Variants in DYNLT2B observed in about 807,000 individuals in gnomAD.
DYNLT2B encodes dynein light chain Tctex-type 2B.
A neutral mutation model predicts 19.5 loss-of-function variants in DYNLT2B; 14 were observed. That is an observed-to-expected ratio of 0.72 (90% confidence interval 0.47 to 1.12). The LOEUF (loss-of-function observed/expected upper bound fraction) is 1.12, where lower values mean the gene tolerates loss of function less well. Ranked by LOEUF, DYNLT2B falls within the 50% of genes most tolerant of loss-of-function variation. The probability of loss-of-function intolerance (pLI) is 0.00; values close to 1 mark genes in which losing one functional copy is unlikely to be tolerated. For synonymous variants in DYNLT2B, 70 were observed against 59.7 expected (o/e 1.17, Z -0.79); for missense variants, 133 against 174.7 (o/e 0.76, Z 1.35).
rs117870911 is a variant in DYNLT2B, at chr3:196,300,937, C to T, written c.318-4868G>A. Among the ~76,000 whole-genome samples, 664 of 150,960 alleles carry T rather than the reference C, an allele frequency of 4.4e-3. 16 individuals are homozygous for T. In the South Asian group the frequency reaches 0.071, roughly 16 times the overall value. On this transcript the variant is annotated intron_variant, in intron 3 of 4. Coordinates refer to ENST00000325318, the MANE Select transcript of DYNLT2B (RefSeq NM_152773.5). ...AGTTGGGCGTGGTGGCTCATGCCTA[C>T]GGTCCCAGCTACTTGGGAGGCTGAA...
intron 2 of DYNLT2B, among the ~76,000 whole-genome samples, chr3:196,315,556 C>A (rs965428261): frequency 6.6e-6 from 1 of 151,542 alleles, no homozygotes; most frequent in Non-Finnish European, 1.5e-5. Context: ...CCACTGCGCC[C>A]GGCCTTTATT....
chr3:196,306,154 A>G (rs887167299), intron 3 of DYNLT2B, among the ~76,000 whole-genome samples: 14 of 151,754 alleles, frequency 9.2e-5, no homozygotes, highest in African/African-American at 2.4e-4. Flanking sequence ...GTTCAAGCCT[A>G]TAAGTCCACC....
At chr3:196,300,915 T>C (rs1577388330) in intron 3 of DYNLT2B, among the ~76,000 whole-genome samples, 1 of 150,160 alleles carries the variant, frequency 6.7e-6, no homozygotes, top group East Asian at 2.0e-4. Flanking sequence ...AAAAATTAGT[T>C]GGGCGTGGTG....
chr3:196,297,660 G>A (rs957506128), intron 3 of DYNLT2B, among the ~76,000 whole-genome samples: 8 of 152,180 alleles, frequency 5.3e-5, no homozygotes, highest in Non-Finnish European at 1.2e-4. Context: ...TAGTCTAAGT[G>A]TTTTACGTGT....
chr3:196,316,247 T>C lies in DYNLT2B; in HGVS notation c.114-16A>G, dbSNP rs759055153. 2.5e-6 allele frequency: 4 copies of C among 1,597,880 alleles called. No homozygotes were observed. In the African/African-American group the frequency reaches 5.4e-5, roughly 21 times the overall value. ...GGGCCTGAACCTGAATGGAACAATT[T>C]GTGAACATCCAGTCGGTGACTCCAC... On this transcript the variant is annotated splice_polypyrimidine_tract_variant and intron_variant, in intron 1 of 4. Transcript: ENST00000325318.
rs763959634 is a variant in DYNLT2B, at chr3:196,306,942, C to T, written c.317+1G>A. The T allele has an allele frequency of 6.2e-7, 1 of 1,613,290 alleles. No individual in the cohort carries two copies. Among genetic ancestry groups the T allele is most frequent in the Non-Finnish European group, 8.5e-7 (1 of 1,179,218 alleles). ...ACAAGAAGGAAAATCCAGCTACTCA[C>T]AATACTCCTTCACCTCTTTGTTCTC... On this transcript the variant is annotated splice_donor_variant, in intron 3 of 4. Coordinates refer to ENST00000325318, the MANE Select transcript of DYNLT2B (RefSeq NM_152773.5). LOFTEE classifies it high-confidence loss of function.
At chr3:196,299,588 A>T (rs1036520943) in intron 3 of DYNLT2B, among the ~76,000 whole-genome samples, 9 of 152,152 alleles carry the variant, frequency 5.9e-5, no homozygotes, top group Non-Finnish European at 1.2e-4. Flanking sequence ...CCCATAAAAA[A>T]GGAGAAAGTA....
At chr3:196,291,926 A>G (rs1340877679) in intron 4 of DYNLT2B, among the ~76,000 whole-genome samples, 1 of 152,254 alleles carries the variant, frequency 6.6e-6, no homozygotes, top group African/African-American at 2.4e-5. Flanking sequence ...TCTGAATGCA[A>G]AAATAAAATG....
intron 1 of DYNLT2B, among the ~76,000 whole-genome samples, chr3:196,316,928 T>G (rs1394283431): frequency 2.1e-5 from 2 of 95,416 alleles, no homozygotes; most frequent in African/African-American, 4.1e-5. Context: ...TGTGTGTGTG[T>G]TGTGTGGTGT....
At chr3:196,310,215 C>T (rs908033027) in intron 2 of DYNLT2B, among the ~76,000 whole-genome samples, 31 of 151,788 alleles carry the variant, frequency 2.0e-4, no homozygotes, top group African/African-American at 7.5e-4. Flanking sequence ...AATTCTCATG[C>T]TTCAGCCTCC....
chr3:196,299,938 G>T (rs76621855), intron 3 of DYNLT2B, among the ~76,000 whole-genome samples: 1 of 151,940 alleles, frequency 6.6e-6, no homozygotes, highest in Non-Finnish European at 1.5e-5. Flanking sequence ...CTCAAAAATA[G>T]AATAAAATAA....
intron 4 of DYNLT2B, among the ~76,000 whole-genome samples, 181 bp downstream of exon 4, chr3:196,295,825 T>C (rs1373920108): frequency 6.6e-6 from 1 of 152,224 alleles, no homozygotes; most frequent in Non-Finnish European, 1.5e-5. Context: ...TCCTTGCCTA[T>C]AAGCAGCACT....
chr3:196,299,420 A>C (rs1336960787), intron 3 of DYNLT2B, among the ~76,000 whole-genome samples: 4 of 151,720 alleles, frequency 2.6e-5, no homozygotes, highest in African/African-American at 7.3e-5. Flanking sequence ...ACGGGGTTTC[A>C]CCATATTGCC....
intron 4 of DYNLT2B, among the ~76,000 whole-genome samples, chr3:196,292,705 C>T (rs1726120251): frequency 6.6e-6 from 1 of 152,104 alleles, no homozygotes; most frequent in Non-Finnish European, 1.5e-5. Context: ...CTGTGCACCC[C>T]ACTGTGAGTG....
chr3:196,316,295 G>C, intron 1 of DYNLT2B, 64 bp from the exon 2 acceptor site: 1 of 1,500,148 alleles, frequency 6.7e-7, no homozygotes, highest in Non-Finnish European at 8.9e-7. Context: ...CCTTCATACC[G>C]CAACTTCTCC....
chr3:196,292,094 A>G (rs920273150), intron 4 of DYNLT2B, among the ~76,000 whole-genome samples: 5 of 152,234 alleles, frequency 3.3e-5, no homozygotes, highest in African/African-American at 1.2e-4. Context: ...TGATAATAAG[A>G]ACAACAGGAC....
rs1004139522 is a variant in DYNLT2B, at chr3:196,316,130, T to C, written c.215A>G (p.His72Arg). 1 of 1,613,838 alleles carries C rather than the reference T, an allele frequency of 6.2e-7. No homozygotes were observed. The highest frequency in any genetic ancestry group is 1.6e-4 in the Middle Eastern group (1 of 6,062). Residue 72 changes from histidine to arginine, a missense_variant, in exon 2 of 5, where the codon CAT becomes CGT. Transcript: ENST00000325318. ...SPEEMPQLTK[H>R]LSENIKDKLK... ...TTTATCTTTAATGTTTTCTGATAAA[T>C]GTTTTGTAAGCTGAGGCATTTCTTC...
intron 2 of DYNLT2B, among the ~76,000 whole-genome samples, chr3:196,310,084 T>C (rs978574464): frequency 2.7e-5 from 4 of 150,720 alleles, no homozygotes; most frequent in Non-Finnish European, 5.9e-5. Context: ...AAATAAGTAC[T>C]CAATCAGGTT....
intron 3 of DYNLT2B, among the ~76,000 whole-genome samples, chr3:196,304,352 C>T (rs985991061): frequency 2.6e-5 from 4 of 152,018 alleles, no homozygotes; most frequent in African/African-American, 9.7e-5. Flanking sequence ...AGGCTGGTCT[C>T]GAACTCCTGA....
Sources: gnomAD v4.1 joint callset for allele counts (sites outside exome capture counted in the v4.1 genomes callset) on GRCh38, gnomAD v4.1.1 for gene constraint, MANE v1.5 for transcripts, NCBI Gene and HGNC (gene_info 2026-07-23, HGNC 2026-07-21) for gene names.